RPL5: variants seen among roughly 807,000 people sequenced by gnomAD.
The protein encoded by RPL5 is ribosomal protein L5, also known as large ribosomal subunit protein uL18.
Under a neutral mutation model 38.4 loss-of-function variants are expected in RPL5, and 1 was observed. That is an observed-to-expected ratio of 0.03 (90% CI 0.01 to 0.12). The LOEUF is 0.12. Among genes scored for constraint, RPL5 ranks in the 10% least tolerant of loss-of-function variants. The pLI, the probability that RPL5 is intolerant of heterozygous loss-of-function variation, is 1.00. For synonymous variants in RPL5, 109 were observed against 121.2 expected (o/e 0.90, Z 0.66); for missense variants, 243 against 374.1 (o/e 0.65, Z 2.89).
At chr1:92,839,307 T>C (rs376431217) in intron 6 of RPL5, among the ~76,000 whole-genome samples, 8 of 152,150 alleles carry the variant, frequency 5.3e-5, no homozygotes, top group African/African-American at 1.7e-4. Flanking sequence ...TGCACTGAGC[T>C]GGGATCGCGC....
At chr1:92,838,789 G>A (rs1329075741) in intron 6 of RPL5, among the ~76,000 whole-genome samples, 1 of 152,198 alleles carries the variant, frequency 6.6e-6, no homozygotes, top group Non-Finnish European at 1.5e-5. Flanking sequence ...TTTGTTATTT[G>A]TTAGTGAACA....
In RPL5 at chr1:92,836,284, G is replaced by C. The variant is rs367631074; in HGVS notation, c.419G>C (p.Gly140Ala). ...GTGGAAAGCATTGATGGTCAGCCAG[G>C]TGCCTTCACCTGCTATTTGGATGCA... ...YNVESIDGQPGAFTCYLDAGL... is the reference protein window; with the variant it reads ...YNVESIDGQPAAFTCYLDAGL... Residue 140 changes from glycine (G) to alanine (A), a missense_variant, in exon 5 of 8, where the codon GGT becomes GCT. Coordinates refer to ENST00000370321, the MANE Select transcript of RPL5 (RefSeq NM_000969.5). The C allele has an allele frequency of 1.2e-6, 2 of 1,614,152 alleles. No individual in the cohort carries two copies. The highest frequency in any genetic ancestry group is 1.7e-6 in the Non-Finnish European group (2 of 1,180,028).
At chr1:92,837,320 T>G in intron 5 of RPL5, 136 bp from the exon 6 acceptor site, 1 of 803,576 alleles carries the variant, frequency 1.2e-6, no homozygotes, top group Admixed American at 1.7e-5. Context: ...AACTGAGCAG[T>G]CAGTAGTTGG....
At chr1:92,835,099 A>G (rs1460912142) in intron 4 of RPL5, 186 bp downstream of exon 4, 19 of 783,160 alleles carry the variant, frequency 2.4e-5, no homozygotes, top group Non-Finnish European at 3.7e-5. Flanking sequence ...CTGCAATGAC[A>G]CAAATCTGTA....
rs72968037 is a variant in RPL5 at position 92,841,912 on chromosome 1, T to C, written c.*47T>C. ...TTTTCAGATATAGATAATAAACTTA[T>C]GAACAGCAACTATTTCTGTGTTAAG... On this transcript the variant is annotated 3_prime_UTR_variant, in exon 8 of 8. Coordinates refer to ENST00000370321, the MANE Select transcript of RPL5 (RefSeq NM_000969.5). The C allele has an allele frequency of 4.2e-4, 574 of 1,379,454 alleles. No individual in the cohort carries two copies. The African/African-American group carries it at 6.5e-3, about 16-fold the overall frequency. 85.5% of individuals were successfully genotyped at this position (1,379,454 alleles called of 1,614,324 possible).
Position 92,833,675 on chromosome 1 carries a change from A to G in RPL5, c.189+15A>G. 6.3e-7 allele frequency: 1 copy of G among 1,589,444 alleles called. No individual in the cohort carries two copies. Among genetic ancestry groups the G allele is most frequent in the South Asian group, 1.1e-5 (1 of 90,536 alleles). On this transcript the variant is annotated intron_variant, in intron 3 of 7. Coordinates refer to ENST00000370321, the MANE Select transcript of RPL5 (RefSeq NM_000969.5). ...TCATTTGTCAGGTAAGTTGTATTCT[A>G]GACAGTCCCCTTTTTTTATTGCTAG...
intron 6 of RPL5, among the ~76,000 whole-genome samples, chr1:92,838,101 C>T (rs1687197590): frequency 6.6e-6 from 1 of 152,200 alleles, no homozygotes. Flanking sequence ...GCTGGGCTTA[C>T]AGATGAGAGC....
chr1:92,839,741 G>A (rs1557443379), intron 6 of RPL5, among the ~76,000 whole-genome samples: 1 of 152,204 alleles, frequency 6.6e-6, no homozygotes, highest in Non-Finnish European at 1.5e-5. Context: ...TTTAAAATGA[G>A]AAGCGCAATA....
chr1:92,840,685 T>C lies in RPL5; in HGVS notation c.794+46T>C, dbSNP rs1687321990. 6 of 1,389,440 alleles carry C rather than the reference T, an allele frequency of 4.3e-6. No homozygotes were observed. In the East Asian group the frequency reaches 6.8e-5, roughly 16 times the overall value. 86.1% of individuals were successfully genotyped at this position (1,389,440 alleles called of 1,614,324 possible). ...TCTTTTCAAGAAAACAGGTTGGGAA[T>C]GGTTCCCACGTGGGGCAGACTGTTG... On this transcript the variant is annotated intron_variant, in intron 7 of 7. Transcript: ENST00000370321.
intron 5 of RPL5, 173 bp from the exon 6 acceptor site, chr1:92,837,283 T>C (rs1687167911): frequency 1.3e-6 from 1 of 778,042 alleles, no homozygotes; most frequent in African/African-American, 1.7e-5. Flanking sequence ...AATTCAGAGA[T>C]GAGCTGCTGA....
intron 6 of RPL5, among the ~76,000 whole-genome samples, chr1:92,838,889 T>C (rs1241084926): frequency 1.3e-5 from 2 of 152,254 alleles, no homozygotes; most frequent in Non-Finnish European, 2.9e-5. Context: ...GTGAGCATTT[T>C]TGCATTATTT....
rs769726665 is a variant in RPL5, at chr1:92,832,090, C to T, written c.-25C>T. 26 of 1,613,816 alleles carry T rather than the reference C, an allele frequency of 1.6e-5. No individual in the cohort carries two copies. The highest frequency in any genetic ancestry group is 2.0e-5 in the Non-Finnish European group (24 of 1,179,926). ...GGGCCTGCAGGTCTCTGTCGAGCAG[C>T]GGACGCCGGTCTCTGTTCCGCAGGA... On this transcript the variant is annotated 5_prime_UTR_variant, in exon 1 of 8. Transcript: ENST00000370321.
At chr1:92,836,558 C>T in intron 5 of RPL5, 166 bp downstream of exon 5, 1 of 658,652 alleles carries the variant, frequency 1.5e-6, no homozygotes, top group Admixed American at 2.5e-5. Context: ...GAATTATAGC[C>T]CATTTTATAA....
chr1:92,832,216 G>C, intron 1 of RPL5, 99 bp downstream of exon 1: 1 of 1,561,132 alleles, frequency 6.4e-7, no homozygotes, highest in Non-Finnish European at 8.7e-7. Context: ...CGCAGGGGCC[G>C]GATGGCGTTA....
At position 92,833,547 on chromosome 1, in the gene RPL5, G is replaced by C; in HGVS notation, c.76G>C (p.Gly26Arg). Reference protein sequence around the residue: ...YQVKFRRRREGKTDYYARKRL... With the variant: ...YQVKFRRRRERKTDYYARKRL... ...CTACAATTATTTTTTTCTTTCAGAG[G>C]GTAAAACTGATTATTATGCTCGGAA... The change falls in exon 3 of 8, where the codon GGT becomes CGT. Residue 26 changes from glycine (G) to arginine (R), a missense_variant and splice_region_variant. Transcript: ENST00000370321. 1 of 1,613,438 alleles carries C rather than the reference G, an allele frequency of 6.2e-7. No homozygotes were observed. The highest frequency in any genetic ancestry group is 8.5e-7 in the Non-Finnish European group (1 of 1,179,692).
intron 6 of RPL5, 78 bp downstream of exon 6, chr1:92,837,711 CATTCTT>C (rs1364980790): frequency 4.3e-5 from 50 of 1,174,010 alleles, no homozygotes; most frequent in Non-Finnish European, 6.1e-5. Flanking sequence ...GGGCAGGTAA[CATTCTT>C]ATATAGGTGT....
rs560167530 is a variant in RPL5, at chr1:92,832,192, C to A, written c.3+75C>A. ...TTCTTGCCCGTATGCCAGCCTAGGG[C>A]CCGTCTCGCGCGTCGCAGGGGCCGG... On this transcript the variant is annotated intron_variant, in intron 1 of 7. Transcript: ENST00000370321. The A allele has an allele frequency of 1.2e-5, 19 of 1,600,236 alleles. No homozygotes were observed. In the South Asian group the frequency reaches 2.1e-4, roughly 18 times the overall value.
Position 92,833,026 on chromosome 1 carries a change from G to A in RPL5, c.4-363G>A, listed in dbSNP as rs138346863. ...TCGCAAAAGTTTGGCACAATTACCG[G>A]TGCTGGTCCTTGAAGAAACAAATAT... On this transcript the variant is annotated intron_variant, in intron 1 of 7. Transcript: ENST00000370321. The A allele has an allele frequency of 6.3e-5, 47 of 741,856 alleles. No homozygotes were observed. In the African/African-American group the frequency reaches 7.6e-4, roughly 12 times the overall value. The allele number at this position is 741,856 out of a possible 1,614,324, so 46.0% of individuals were successfully genotyped here. A position where few individuals can be genotyped will look rare whatever the true frequency, so the allele number is the denominator to read the frequency against.
chr1:92,837,411 TA>T, intron 5 of RPL5, 44 bp from the exon 6 acceptor site: 1 of 1,531,986 alleles, frequency 6.5e-7, no homozygotes. Flanking sequence ...ACTAGTAAAC[TA>T]AGTTAAGTGA....
Sources: allele counts gnomAD v4.1 joint callset (sites outside exome capture counted in the v4.1 genomes callset), GRCh38; gene constraint gnomAD v4.1.1; transcripts MANE v1.5; gene names NCBI Gene and HGNC (gene_info 2026-07-23, HGNC 2026-07-21).